Variants in PLEKHA6 observed in about 807,000 individuals in gnomAD.
The protein encoded by PLEKHA6 is pleckstrin homology domain containing A6.
In PLEKHA6, 60 loss-of-function variants were observed where a neutral mutation model predicts 116.7. That is an observed-to-expected ratio of 0.51 (90% CI 0.42 to 0.64). The LOEUF is 0.64. Ranked by LOEUF, PLEKHA6 falls within the 30% of genes least tolerant of loss-of-function variation. The pLI, the probability that PLEKHA6 is intolerant of heterozygous loss-of-function variation, is 0.00. For missense variants in PLEKHA6, 1,338 were observed against 1,422.7 expected, an observed-to-expected ratio of 0.94 and a Z score of 0.96; for synonymous variants, 489 against 556.1, an observed-to-expected ratio of 0.88 and a Z score of 1.70.
chr1:204,374,687 C>T (rs1673835452), intron 1 of PLEKHA6, among the ~76,000 whole-genome samples: 1 of 152,144 alleles, frequency 6.6e-6, no homozygotes, highest in Non-Finnish European at 1.5e-5. Flanking sequence ...GGGTCCATCC[C>T]TTTATCCTCC....
chr1:204,327,778 G>A (rs1672293795), intron 1 of PLEKHA6, among the ~76,000 whole-genome samples: 3 of 152,224 alleles, frequency 2.0e-5, no homozygotes, highest in Middle Eastern at 3.2e-3. Flanking sequence ...AAAAATACAA[G>A]AGCAAGTATA....
chr1:204,310,759 A>G (rs889929988), intron 1 of PLEKHA6, among the ~76,000 whole-genome samples: 2 of 152,220 alleles, frequency 1.3e-5, no homozygotes, highest in African/African-American at 4.8e-5. Flanking sequence ...AACAGAGGGC[A>G]AAGACTCATC....
intron 1 of PLEKHA6, among the ~76,000 whole-genome samples, chr1:204,315,149 G>A (rs1329700895): frequency 2.0e-5 from 3 of 152,186 alleles, no homozygotes; most frequent in African/African-American, 7.2e-5. Flanking sequence ...TGAAATGGGT[G>A]ATAAGAGGAC....
At chr1:204,365,447 G>A (rs568635309) in intron 3 of PLEKHA6, among the ~76,000 whole-genome samples, 48 of 152,306 alleles carry the variant, frequency 3.2e-4, no homozygotes, top group Non-Finnish European at 5.7e-4. Context: ...ATATTTGGGA[G>A]GAGAATTGAC....
At chr1:204,239,217 G>A (rs949339686) in intron 17 of PLEKHA6, among the ~76,000 whole-genome samples, 2 of 152,194 alleles carry the variant, frequency 1.3e-5, no homozygotes, top group African/African-American at 4.8e-5. Context: ...TGAAAAAAGT[G>A]GCCATGGTGG....
At chr1:204,305,945 A>C (rs1173512748) in intron 1 of PLEKHA6, among the ~76,000 whole-genome samples, 3 of 152,162 alleles carry the variant, frequency 2.0e-5, no homozygotes, top group Admixed American at 1.3e-4. Flanking sequence ...CACTATATTC[A>C]GAAGTCAGTA....
In PLEKHA6 at chr1:204,220,622, G is replaced by T. The variant is rs1279857978; in HGVS notation, c.*2166C>A. ...CTCTCCCCTTCTTTGGATCAAAAAG[G>T]CAAGGGGTATGGTCTTGATATGCTA... On this transcript the variant is annotated 3_prime_UTR_variant, in exon 23 of 23. Transcript: ENST00000272203. 6.6e-6 allele frequency: 1 copy of T among 152,514 alleles called. No homozygotes were observed. Among genetic ancestry groups the T allele is most frequent in the Non-Finnish European group, 1.5e-5 (1 of 68,036 alleles). 9.4% of individuals were successfully genotyped at this position (152,514 alleles called of 1,614,324 possible).
In PLEKHA6 at chr1:204,257,457, C is replaced by T. The variant is rs761822986; in HGVS notation, c.1420G>A (p.Val474Ile). 6.4e-7 allele frequency: 1 copy of T among 1,571,272 alleles called. No individual in the cohort carries two copies. ...TCAAAACGGGCACTGGGTGAGCGGA[C>T]AGGGGAGTAAATGCGGGCACGGCTG... Reference protein sequence around the residue: ...SYSRARIYSPVRSPSARFERL... With the variant: ...SYSRARIYSPIRSPSARFERL... Residue 474 changes from valine (V) to isoleucine (I), a missense_variant, in exon 9 of 23, where the codon GTC becomes ATC. Physicochemically the swap from Val to Ile is conservative, Grantham distance 29 (BLOSUM62 3). This residue lies in a region of PLEKHA6 where 1,136 missense variants were observed against 1,163.6 expected (regional missense o/e 0.98). Transcript: ENST00000272203. This position sits in a 1 kb window ranked among gnomAD's most constrained non-coding sequence, Gnocchi z 6.5.
upstream of PLEKHA6, among the ~76,000 whole-genome samples, chr1:204,361,253 A>T (rs890090847): frequency 1.3e-5 from 2 of 152,222 alleles, no homozygotes; most frequent in Non-Finnish European, 2.9e-5. Flanking sequence ...CTTGACTCCA[A>T]TACAAGTGGG....
rs2102348291 is a variant in PLEKHA6 at position 204,219,612 on chromosome 1, A to G, written c.*3176T>C. 1 of 152,284 alleles carries G rather than the reference A, an allele frequency of 6.6e-6. No individual in the cohort carries two copies. The highest frequency in any genetic ancestry group is 1.9e-4 in the East Asian group (1 of 5,172). The allele number at this position is 152,284 out of a possible 1,614,324, so 9.4% of individuals were successfully genotyped here. On this transcript the variant is annotated 3_prime_UTR_variant, in exon 23 of 23. Transcript: ENST00000272203. ...TCTAGGCTGGCGACAGGGTGTCAGT[A>G]AATGCCCCAGGTGGGAGGCCAGGCT...
chr1:204,344,551 G>C (rs905717607), intron 1 of PLEKHA6, among the ~76,000 whole-genome samples: 26 of 146,280 alleles, frequency 1.8e-4, no homozygotes, highest in Non-Finnish European at 1.3e-4. Context: ...AGTCAGCCGA[G>C]ATTGTGCCAC....
At chr1:204,250,472 G>A (rs990670466) in intron 10 of PLEKHA6, 74 bp downstream of exon 10, 31 of 1,000,994 alleles carry the variant, frequency 3.1e-5, no homozygotes, top group African/African-American at 2.2e-4. Context: ...GAGATGGATG[G>A]AGAGACAGCC....
intron 1 of PLEKHA6, among the ~76,000 whole-genome samples, chr1:204,336,810 T>C (rs1047405425): frequency 1.3e-5 from 2 of 152,128 alleles, no homozygotes; most frequent in African/African-American, 4.8e-5. Flanking sequence ...TGGAACAGAA[T>C]CACAAAAGCT....
At chr1:204,371,653 C>T (rs972108362) in intron 1 of PLEKHA6, 1 of 152,366 alleles carries the variant, frequency 6.6e-6, no homozygotes, top group Middle Eastern at 3.4e-3. Context: ...AGAGGCTTTT[C>T]TGAGCAGGAC....
chr1:204,371,688 A>G (rs1572238375), intron 1 of PLEKHA6: 1 of 152,168 alleles, frequency 6.6e-6, no homozygotes, highest in Non-Finnish European at 1.5e-5. Context: ...TCACATTAAC[A>G]CCGACTATTC....
At chr1:204,348,080 A>AAC in intron 1 of PLEKHA6, among the ~76,000 whole-genome samples, 1 of 152,326 alleles carries the variant, frequency 6.6e-6, no homozygotes, top group East Asian at 1.9e-4. Flanking sequence ...CCTGGCCTGT[A>AAC]ACACCACATG....
chr1:204,227,041 A>G (rs1388549915), intron 21 of PLEKHA6, among the ~76,000 whole-genome samples: 1 of 152,212 alleles, frequency 6.6e-6, no homozygotes, highest in Non-Finnish European at 1.5e-5. Flanking sequence ...TGAATTTCAC[A>G]GATGAGGAAA....
chr1:204,231,569 CT>C (rs142955448), intron 17 of PLEKHA6, among the ~76,000 whole-genome samples: 59 of 138,926 alleles, frequency 4.2e-4, no homozygotes, highest in South Asian at 4.6e-4. Flanking sequence ...TTTTTTCTTT[CT>C]TTTTTTTTTT....
At chr1:204,324,926 A>T (rs984006573) in intron 1 of PLEKHA6, among the ~76,000 whole-genome samples, 16 of 151,738 alleles carry the variant, frequency 1.1e-4, no homozygotes, top group African/African-American at 1.7e-4. Context: ...TTATTTATTT[A>T]TTTATTTTTG....
Sources: gnomAD v4.1 joint callset for allele counts (sites outside exome capture counted in the v4.1 genomes callset) on GRCh38, gnomAD v4.1.1 for gene constraint, gnomAD v4.1.1 regional missense constraint, Gnocchi (gnomAD v3.1) non-coding constraint, MANE v1.5 for transcripts, NCBI Gene and HGNC (gene_info 2026-07-23, HGNC 2026-07-21) for gene names.